Variants in PXDN observed in about 807,000 individuals in gnomAD.
PXDN encodes the protein peroxidasin homolog.
In PXDN, 77 loss-of-function variants were observed where a neutral mutation model predicts 140.3. That is an observed-to-expected ratio of 0.55 (90% CI 0.46 to 0.66). The LOEUF is 0.66. Ranked by LOEUF, PXDN falls within the 30% of genes least tolerant of loss-of-function variation. PXDN has a pLI of 0.00. For synonymous variants in PXDN, 911 were observed against 857.4 expected, an observed-to-expected ratio of 1.06 and a Z score of -1.09; for missense variants, 1,838 against 2,039.5, an observed-to-expected ratio of 0.90 and a Z score of 1.90.
At chr2:1,644,491 C>A in intron 18 of PXDN, 127 bp downstream of exon 18, 1 of 1,124,802 alleles carries the variant, frequency 8.9e-7, no homozygotes, top group Non-Finnish European at 1.2e-6. Context: ...TCATTCTCAA[C>A]CGGGGACACA....
chr2:1,653,902 A>C, intron 15 of PXDN, 117 bp from the exon 16 acceptor site: 2 of 1,231,844 alleles, frequency 1.6e-6, no homozygotes, highest in South Asian at 1.6e-5. Flanking sequence ...TTTCTACAAC[A>C]TAATGTACTA....
At position 1,683,161 on chromosome 2, in the gene PXDN, C is replaced by A. The variant is rs141064346; in HGVS notation, c.560+495G>T. ...CTTTGGGAGGCTGAGGTGGACAGAT[C>A]GCTTGAGCTTAGGAAATCAAGACCA... On this transcript the variant is annotated intron_variant, in intron 6 of 22. Transcript: ENST00000252804. Among the ~76,000 whole-genome samples the A allele has an allele frequency of 2.9e-3, 436 of 151,160 alleles. 2 individuals are homozygous for A. The highest frequency in any genetic ancestry group is 9.1e-3 in the African/African-American group (374 of 41,124).
At chr2:1,684,760 A>G in intron 4 of PXDN, among the ~76,000 whole-genome samples, 1 of 152,162 alleles carries the variant, frequency 6.6e-6, no homozygotes, top group East Asian at 1.9e-4. Context: ...ATTTCTTTCC[A>G]TTTACCATAC....
intron 1 of PXDN, among the ~76,000 whole-genome samples, chr2:1,721,326 C>T (rs187666050): frequency 7.2e-5 from 11 of 152,234 alleles, no homozygotes; most frequent in East Asian, 1.9e-4. Context: ...GTTTCAACAA[C>T]GGTACGGGTT....
chr2:1,742,611 A>C (rs1234413759), intron 1 of PXDN, among the ~76,000 whole-genome samples: 1 of 152,232 alleles, frequency 6.6e-6, no homozygotes, highest in Non-Finnish European at 1.5e-5. Context: ...AACTGACCAG[A>C]TGGGAAAAAT....
chr2:1,648,734 A>G lies in PXDN; in HGVS notation c.3046T>C (p.Tyr1016His), dbSNP rs1236356488. Reference sequence around the variant, plus strand: ...GCACCCACGATCTTCCTGGTCTCATAGTAGATGGTGTCGCCGTCCCAGTGC... The same window carrying G: ...GCACCCACGATCTTCCTGGTCTCATGGTAGATGGTGTCGCCGTCCCAGTGC... The part of the protein sequence containing the change: ...NPHWDGDTIY[Y>H]ETRKIVGAEI... Residue 1016 changes from tyrosine (Y) to histidine (H), a missense_variant, in exon 17 of 23, where the codon TAT becomes CAT. Transcript: ENST00000252804. The surrounding 1 kb of genome is among the most constrained non-coding windows in gnomAD (Gnocchi z 8.9). 2 of 1,605,240 alleles carry G rather than the reference A, an allele frequency of 1.2e-6. No homozygotes were observed. The highest frequency in any genetic ancestry group is 8.5e-7 in the Non-Finnish European group (1 of 1,176,378).
intron 1 of PXDN, among the ~76,000 whole-genome samples, chr2:1,738,504 C>T (rs970660703): frequency 1.9e-4 from 29 of 152,148 alleles, no homozygotes; most frequent in African/African-American, 7.0e-4. Flanking sequence ...AGGTATTTAT[C>T]TCATAATAAG....
Position 1,640,856 on chromosome 2 carries a change from G to T in PXDN, c.3953-1434C>A, listed in dbSNP as rs559666717. 2.0e-5 allele frequency among the ~76,000 whole-genome samples: 3 copies of T among 152,274 alleles called. No homozygotes were observed. In the East Asian group the frequency reaches 5.8e-4, roughly 30 times the overall value. ...AGGGAAGCAGCAGGGCCAGGACACGGTCCCAGGCACTGTGGGGTCCCTGCC... is the reference window on the plus strand; with the variant it reads ...AGGGAAGCAGCAGGGCCAGGACACGTTCCCAGGCACTGTGGGGTCCCTGCC... On this transcript the variant is annotated intron_variant, in intron 19 of 22. Coordinates refer to ENST00000252804, the MANE Select transcript of PXDN (RefSeq NM_012293.3).
intron 14 of PXDN, among the ~76,000 whole-genome samples, chr2:1,655,490 T>A (rs1683110770): frequency 6.6e-6 from 1 of 150,974 alleles, no homozygotes; most frequent in African/African-American, 2.4e-5. Flanking sequence ...ACCAGAGGTA[T>A]GCACCACACA....
At chr2:1,688,115 G>A (rs1224796766) in intron 3 of PXDN, among the ~76,000 whole-genome samples, 2 of 152,196 alleles carry the variant, frequency 1.3e-5, no homozygotes, top group Non-Finnish European at 2.9e-5. Flanking sequence ...ATAATTTGGG[G>A]AGTGGACAAT....
intron 1 of PXDN, among the ~76,000 whole-genome samples, chr2:1,695,253 C>T (rs1357407305): frequency 6.6e-6 from 1 of 152,258 alleles, no homozygotes; most frequent in Admixed American, 6.5e-5. Flanking sequence ...AAGTCGGTGC[C>T]ACCAAAACCT....
At position 1,663,711 on chromosome 2, in the gene PXDN, A is replaced by C; in HGVS notation, c.1461T>G (p.Leu487=). The C allele has an allele frequency of 6.2e-7, 1 of 1,613,832 alleles. No homozygotes were observed. The highest frequency in any genetic ancestry group is 1.1e-5 in the South Asian group (1 of 91,086). The part of the protein sequence containing the change: ...RRHLVLSSGT[L]RISGVALHDQ... ...CGTGGAGGGCAACACCAGAGATTCTAAGTGTTCCCGATGACAGGACCAGGT... is the reference window on the plus strand; with the variant it reads ...CGTGGAGGGCAACACCAGAGATTCTCAGTGTTCCCGATGACAGGACCAGGT... Residue 487 remains leucine (L), a synonymous_variant, in exon 12 of 23, where the codon CTT becomes CTG. Coordinates refer to ENST00000252804, the MANE Select transcript of PXDN (RefSeq NM_012293.3).
At chr2:1,727,448 C>A (rs967431508) in intron 1 of PXDN, among the ~76,000 whole-genome samples, 4 of 152,228 alleles carry the variant, frequency 2.6e-5, no homozygotes, top group Admixed American at 2.0e-4. Context: ...TTCCTCACTC[C>A]TCAGGACCCC....
intron 9 of PXDN, among the ~76,000 whole-genome samples, chr2:1,671,478 G>C (rs145149546): frequency 1.2e-4 from 18 of 151,616 alleles, no homozygotes; most frequent in African/African-American, 4.4e-4. Flanking sequence ...GGAAAGGCTC[G>C]GAGAAAAATG....
intron 1 of PXDN, among the ~76,000 whole-genome samples, chr2:1,741,229 G>T (rs1685536172): frequency 1.3e-5 from 2 of 152,154 alleles, no homozygotes; most frequent in South Asian, 4.2e-4. Context: ...GGAAAGGAAG[G>T]GGCGTACAAC....
In PXDN at chr2:1,634,171, C is replaced by T; in HGVS notation, c.*33G>A. ...TCGGCCACCCGATCTCACGATGGCA[C>T]AGCAGACAAACTCTGAGGAGCCTCC... On this transcript the variant is annotated 3_prime_UTR_variant, in exon 23 of 23. Transcript: ENST00000252804. The T allele has an allele frequency of 6.4e-7, 1 of 1,553,610 alleles. No individual in the cohort carries two copies. The highest frequency in any genetic ancestry group is 8.7e-7 in the Non-Finnish European group (1 of 1,147,860).
At chr2:1,742,018 C>T (rs1323660019) in intron 1 of PXDN, among the ~76,000 whole-genome samples, 2 of 152,190 alleles carry the variant, frequency 1.3e-5, no homozygotes, top group Non-Finnish European at 2.9e-5. Flanking sequence ...CTCATGACAC[C>T]TGTCCACTGT....
rs759693702 is a variant in PXDN at position 1,649,314 on chromosome 2, G to C, written c.2466C>G (p.Gly822=). 1 of 1,613,696 alleles carries C rather than the reference G, an allele frequency of 6.2e-7. No homozygotes were observed. Among genetic ancestry groups the C allele is most frequent in the Non-Finnish European group, 8.5e-7 (1 of 1,179,862 alleles). Residue 822 remains glycine, a synonymous_variant, in exon 17 of 23, where the codon GGC becomes GGG. Coordinates refer to ENST00000252804, the MANE Select transcript of PXDN (RefSeq NM_012293.3). The surrounding 1 kb of genome is among the most constrained non-coding windows in gnomAD (Gnocchi z 7.1). ...AGTCGAGGTCGTGGTCCAGGAACTG[G>C]CCCCACTGCATCAGCATGTGGGTGA... The part of the protein sequence containing the change: ...EQFTHMLMQW[G]QFLDHDLDST...
At chr2:1,740,163 G>A (rs1685507757) in intron 1 of PXDN, among the ~76,000 whole-genome samples, 1 of 152,244 alleles carries the variant, frequency 6.6e-6, no homozygotes, top group Admixed American at 6.5e-5. Context: ...GTGCAGAGGA[G>A]GAGGAGGGCA....
Sources: gnomAD v4.1 joint callset for allele counts (sites outside exome capture counted in the v4.1 genomes callset) on GRCh38, gnomAD v4.1.1 for gene constraint, Gnocchi (gnomAD v3.1) non-coding constraint, MANE v1.5 for transcripts, NCBI Gene and HGNC (gene_info 2026-07-23, HGNC 2026-07-21) for gene names.